Variants in CDH6 observed in about 807,000 individuals in gnomAD.
The protein encoded by CDH6 is cadherin 6, also known as cadherin-6.
A neutral mutation model predicts 78.0 loss-of-function variants in CDH6; 31 were observed. That is an observed-to-expected ratio of 0.40 (90% CI 0.30 to 0.54). CDH6 has a LOEUF of 0.54. Ranked by LOEUF, CDH6 falls within the 20% of genes least tolerant of loss-of-function variation. The probability of loss-of-function intolerance (pLI) is 0.56; values close to 1 mark genes in which losing one functional copy is unlikely to be tolerated. For missense variants in CDH6, 724 were observed against 975.9 expected (o/e 0.74, Z 3.44); for synonymous variants, 376 against 368.8 (o/e 1.02, Z -0.23).
chr5:31,220,519 A>G (rs1740977548), intron 1 of CDH6, among the ~76,000 whole-genome samples: 2 of 152,180 alleles, frequency 1.3e-5, no homozygotes, highest in Non-Finnish European at 2.9e-5. Flanking sequence ...AGGACCAAGT[A>G]CTGAACTAGG....
intron 1 of CDH6, among the ~76,000 whole-genome samples, chr5:31,240,994 G>C (rs17396837): frequency 0.065 from 9,822 of 152,254 alleles, 489 homozygotes; most frequent in South Asian, 0.24. Flanking sequence ...GTAATCTAAA[G>C]CTTTTTCAGT....
chr5:31,231,740 C>A (rs1301305708), intron 1 of CDH6, among the ~76,000 whole-genome samples: 1 of 152,212 alleles, frequency 6.6e-6, no homozygotes, highest in African/African-American at 2.4e-5. Flanking sequence ...TTAATCCATG[C>A]ATGAACCTCT....
chr5:31,228,568 G>A (rs1741228904), intron 1 of CDH6, among the ~76,000 whole-genome samples: 1 of 152,164 alleles, frequency 6.6e-6, no homozygotes, highest in Non-Finnish European at 1.5e-5. Context: ...ACTAGGAACT[G>A]GTTTTGTGGA....
chr5:31,224,684 G>C (rs959024662), intron 1 of CDH6, among the ~76,000 whole-genome samples: 1 of 152,022 alleles, frequency 6.6e-6, no homozygotes, highest in Non-Finnish European at 1.5e-5. Context: ...CTCCCAAGTA[G>C]CTGGGACTAC....
chr5:31,224,182 G>A (rs1401921213), intron 1 of CDH6, among the ~76,000 whole-genome samples: 1 of 152,206 alleles, frequency 6.6e-6, no homozygotes, highest in Non-Finnish European at 1.5e-5. Context: ...GGAAGAACAA[G>A]TCACATCTCA....
chr5:31,236,480 G>C (rs928999616), intron 1 of CDH6, among the ~76,000 whole-genome samples: 1 of 152,132 alleles, frequency 6.6e-6, no homozygotes, highest in Non-Finnish European at 1.5e-5. Context: ...ATTTCTCTCC[G>C]ATCGTCTTAG....
At position 31,326,236 on chromosome 5, in the gene CDH6, T is replaced by C; in HGVS notation, c.*2928T>C. On this transcript the variant is annotated 3_prime_UTR_variant, in exon 12 of 12. Transcript: ENST00000265071. ...TAACCAGATTGCTTTTGTGGGTTGT[T>C]TCAAGGACATTGAGAGCTTTCTGAT... 1 of 222,228 alleles carries C rather than the reference T, an allele frequency of 4.5e-6. No individual in the cohort carries two copies. The allele number at this position is 222,228 out of a possible 1,614,324, so 13.8% of individuals were successfully genotyped here.
Position 31,256,786 on chromosome 5 carries a change from T to A in CDH6, c.-128-10560T>A, listed in dbSNP as rs1474061231. ...TTGCCAATGTCTCATAGCTAATAAG[T>A]ATTGATACTGGGATAAAAATTGGTA... On this transcript the variant is annotated intron_variant, in intron 1 of 11. Coordinates refer to ENST00000265071, the MANE Select transcript of CDH6 (RefSeq NM_004932.4). Among the ~76,000 whole-genome samples the A allele has an allele frequency of 3.3e-5, 5 of 152,316 alleles. No homozygotes were observed. In the East Asian group the frequency reaches 9.7e-4, roughly 29 times the overall value.
intron 4 of CDH6, among the ~76,000 whole-genome samples, chr5:31,299,217 G>A (rs1737689676): frequency 6.6e-6 from 1 of 151,838 alleles, no homozygotes; most frequent in African/African-American, 2.4e-5. Flanking sequence ...CTATACTATT[G>A]CAGAATCTGA....
At chr5:31,299,415 A>G (rs999887086) in intron 4 of CDH6, 49 bp from the exon 5 acceptor site, 2 of 1,440,122 alleles carry the variant, frequency 1.4e-6, no homozygotes, top group Admixed American at 3.5e-5. Flanking sequence ...ATGATTCCAT[A>G]AAGTATTCTT....
At chr5:31,292,659 T>G (rs564624455) in intron 2 of CDH6, among the ~76,000 whole-genome samples, 37 of 151,934 alleles carry the variant, frequency 2.4e-4, no homozygotes, top group Non-Finnish European at 4.3e-4. Context: ...CTTAAAACTC[T>G]GGGGGTTTAT....
chr5:31,288,351 C>T (rs977833635), intron 2 of CDH6, among the ~76,000 whole-genome samples: 21 of 151,836 alleles, frequency 1.4e-4, no homozygotes, highest in Non-Finnish European at 2.1e-4. Context: ...TAAAATGTGT[C>T]ATATGGAATT....
intron 11 of CDH6, among the ~76,000 whole-genome samples, chr5:31,321,001 G>T (rs1300008347): frequency 1.3e-5 from 2 of 149,806 alleles, no homozygotes; most frequent in Non-Finnish European, 3.0e-5. Flanking sequence ...AAAAAACTGT[G>T]CTGTATGTTC....
At chr5:31,292,838 TATATATATGTGTGC>T (rs1485984028) in intron 2 of CDH6, among the ~76,000 whole-genome samples, 51 of 14,234 alleles carry the variant, frequency 3.6e-3, no homozygotes, top group African/African-American at 0.028. Context: ...TATATATATA[TATATATATGTGTGC>T]ATATATATAT....
At chr5:31,291,936 T>A (rs910395141) in intron 2 of CDH6, among the ~76,000 whole-genome samples, 3 of 152,176 alleles carry the variant, frequency 2.0e-5, no homozygotes, top group Admixed American at 6.5e-5. Flanking sequence ...AGACTACTAA[T>A]TATATGAATA....
Position 31,239,420 on chromosome 5 carries a change from C to T in CDH6, c.-128-27926C>T, listed in dbSNP as rs75172219. ...GGATACTTCTGATGCTTACCAAATC[C>T]GTATTTCTTATCCACACTGTTATAG... On this transcript the variant is annotated intron_variant, in intron 1 of 11. Coordinates refer to ENST00000265071, the MANE Select transcript of CDH6 (RefSeq NM_004932.4). Among the ~76,000 whole-genome samples, 24 of 152,242 alleles carry T rather than the reference C, an allele frequency of 1.6e-4. No individual in the cohort carries two copies. The East Asian group carries it at 2.7e-3, about 17-fold the overall frequency.
chr5:31,278,916 T>G (rs1165106110), intron 2 of CDH6, among the ~76,000 whole-genome samples: 1 of 152,216 alleles, frequency 6.6e-6, no homozygotes, highest in Non-Finnish European at 1.5e-5. Flanking sequence ...AGCTTTAGCA[T>G]GCTGGATTGT....
At chr5:31,256,600 G>T (rs565873025) in intron 1 of CDH6, among the ~76,000 whole-genome samples, 1 of 152,102 alleles carries the variant, frequency 6.6e-6, no homozygotes, top group Non-Finnish European at 1.5e-5. Flanking sequence ...CAGTAATAAA[G>T]GTGATATATT....
At chr5:31,260,519 T>G (rs1255270001) in intron 1 of CDH6, among the ~76,000 whole-genome samples, 1 of 152,234 alleles carries the variant, frequency 6.6e-6, no homozygotes, top group Non-Finnish European at 1.5e-5. Context: ...CCCAACTACA[T>G]ATAAAATGCC....
Sources: gnomAD v4.1 joint callset for allele counts (sites outside exome capture counted in the v4.1 genomes callset) on GRCh38, gnomAD v4.1.1 for gene constraint, MANE v1.5 for transcripts, NCBI Gene and HGNC (gene_info 2026-07-23, HGNC 2026-07-21) for gene names.